RORB: variants seen among roughly 807,000 people sequenced by gnomAD.
RORB encodes RAR related orphan receptor B, also known as nuclear receptor ROR-beta.
In RORB, 6 loss-of-function variants were observed where a neutral mutation model predicts 59.1. That is an observed-to-expected ratio of 0.10 (90% confidence interval 0.06 to 0.20). RORB has a LOEUF of 0.20. Among genes scored for constraint, RORB ranks in the 10% least tolerant of loss-of-function variants. RORB has a pLI of 1.00. For missense variants in RORB, 320 were observed against 560.5 expected, an observed-to-expected ratio of 0.57 and a Z score of 4.33; for synonymous variants, 215 against 204.5, an observed-to-expected ratio of 1.05 and a Z score of -0.44.
chr9:74,615,641 T>C (rs1449097504), intron 1 of RORB: 2 of 454,088 alleles, frequency 4.4e-6, no homozygotes, highest in Non-Finnish European at 4.4e-6. Context: ...ACGCCACTGG[T>C]GAGTTTTACA....
At chr9:74,612,699 G>A (rs1371758244) in intron 1 of RORB, among the ~76,000 whole-genome samples, 1 of 152,030 alleles carries the variant, frequency 6.6e-6, no homozygotes, top group Non-Finnish European at 1.5e-5. Context: ...CTAATACTTG[G>A]CTTTTAGCAC....
chr9:74,541,399 A>G (rs1273339300), intron 1 of RORB, among the ~76,000 whole-genome samples: 2 of 152,054 alleles, frequency 1.3e-5, no homozygotes, highest in Non-Finnish European at 2.9e-5. Flanking sequence ...TATATTAAAC[A>G]ATTATATTTT....
chr9:74,590,471 T>C (rs537779657), intron 1 of RORB, among the ~76,000 whole-genome samples: 1 of 152,334 alleles, frequency 6.6e-6, no homozygotes, highest in East Asian at 1.9e-4. Flanking sequence ...CATGTACATA[T>C]TGTGTGGCTT....
intron 7 of RORB, among the ~76,000 whole-genome samples, chr9:74,665,885 T>C (rs1824256146): frequency 6.6e-6 from 1 of 152,210 alleles, no homozygotes; most frequent in Admixed American, 6.5e-5. Context: ...CTCATGCGTA[T>C]AATCCTAGAA....
intron 1 of RORB, among the ~76,000 whole-genome samples, chr9:74,528,207 A>C (rs923039836): frequency 1.3e-5 from 2 of 151,972 alleles, no homozygotes; most frequent in African/African-American, 4.8e-5. Context: ...GTGAAACTGT[A>C]AGCTACATAA....
chr9:74,546,485 A>G (rs1214653723), intron 1 of RORB, among the ~76,000 whole-genome samples: 1 of 152,206 alleles, frequency 6.6e-6, no homozygotes, highest in African/African-American at 2.4e-5. Flanking sequence ...AGCAAGTGAA[A>G]AAGGTTTTAG....
chr9:74,660,586 C>T, intron 4 of RORB, 31 bp from the exon 5 acceptor site: 1 of 1,586,506 alleles, frequency 6.3e-7, no homozygotes, highest in Non-Finnish European at 8.6e-7. Flanking sequence ...ATTTTATTCA[C>T]AAACCTTTGA....
chr9:74,500,762 A>G (rs1361117206), intron 1 of RORB, among the ~76,000 whole-genome samples: 1 of 152,044 alleles, frequency 6.6e-6, no homozygotes, highest in Non-Finnish European at 1.5e-5. Context: ...AGCTACGGGG[A>G]AAGAAAGGGG....
At chr9:74,553,703 T>C (rs1826646098) in intron 1 of RORB, among the ~76,000 whole-genome samples, 1 of 152,222 alleles carries the variant, frequency 6.6e-6, no homozygotes, top group Non-Finnish European at 1.5e-5. Context: ...GTGTACCTGT[T>C]TGAAAAAATT....
intron 1 of RORB, among the ~76,000 whole-genome samples, chr9:74,574,700 C>A (rs1379676329): frequency 1.3e-5 from 2 of 152,066 alleles, no homozygotes; most frequent in Non-Finnish European, 2.9e-5. Context: ...GACCATGTAA[C>A]CCTGCAACCT....
intron 1 of RORB, among the ~76,000 whole-genome samples, chr9:74,514,048 A>G (rs1467396873): frequency 6.6e-6 from 1 of 152,092 alleles, no homozygotes. Context: ...GGCAACAACT[A>G]TTGCAAACTC....
intron 4 of RORB, among the ~76,000 whole-genome samples, chr9:74,646,835 C>T (rs979347716): frequency 6.6e-6 from 1 of 152,084 alleles, no homozygotes; most frequent in Admixed American, 6.6e-5. Flanking sequence ...TAAATAGTCA[C>T]GACAATTCAC....
At chr9:74,671,623 GGTATTGCC>G (rs1369605112) in intron 8 of RORB, among the ~76,000 whole-genome samples, 158 bp from the exon 9 acceptor site, 2 of 152,110 alleles carry the variant, frequency 1.3e-5, no homozygotes, top group Non-Finnish European at 2.9e-5. Context: ...CTGGCATCAT[GGTATTGCC>G]TATGAAATAC....
At chr9:74,504,944 A>G (rs931012060) in intron 1 of RORB, among the ~76,000 whole-genome samples, 1 of 152,088 alleles carries the variant, frequency 6.6e-6, no homozygotes, top group East Asian at 1.9e-4. Context: ...CTGCTACACC[A>G]TTAACTAAAT....
intron 4 of RORB, among the ~76,000 whole-genome samples, chr9:74,652,883 C>T (rs977944668): frequency 6.6e-6 from 1 of 152,190 alleles, no homozygotes; most frequent in African/African-American, 2.4e-5. Context: ...GCTAAATCTC[C>T]TACTCTTCCT....
intron 1 of RORB, among the ~76,000 whole-genome samples, chr9:74,506,582 C>A (rs1825874042): frequency 6.6e-6 from 1 of 152,072 alleles, no homozygotes; most frequent in Admixed American, 6.6e-5. Context: ...AATGTCTGAT[C>A]TACTCTGAAA....
chr9:74,521,806 A>G (rs1227691554), intron 1 of RORB, among the ~76,000 whole-genome samples: 1 of 151,760 alleles, frequency 6.6e-6, no homozygotes, highest in East Asian at 1.9e-4. Context: ...GCACCAAGAA[A>G]ATTGAACCAT....
intron 1 of RORB, among the ~76,000 whole-genome samples, chr9:74,572,523 T>C (rs1822568646): frequency 6.6e-6 from 1 of 152,042 alleles, no homozygotes; most frequent in African/African-American, 2.4e-5. Context: ...ACTGGTAGCA[T>C]TGACAATTGA....
At chr9:74,578,626 T>C (rs1587367562) in intron 1 of RORB, among the ~76,000 whole-genome samples, 1 of 152,252 alleles carries the variant, frequency 6.6e-6, no homozygotes, top group East Asian at 1.9e-4. Flanking sequence ...AATTGTGACA[T>C]GAAATGCTGT....
Sources: gnomAD v4.1 joint callset for allele counts (sites outside exome capture counted in the v4.1 genomes callset) on GRCh38, gnomAD v4.1.1 for gene constraint, MANE v1.5 for transcripts, NCBI Gene and HGNC (gene_info 2026-07-23, HGNC 2026-07-21) for gene names.